UBR1: variants seen among roughly 807,000 people sequenced by gnomAD.
The protein encoded by UBR1 is ubiquitin protein ligase E3 component n-recognin 1, also known as E3 ubiquitin-protein ligase UBR1.
UBR1 carries 102 observed loss-of-function variants against 242.1 expected under a neutral mutation model. The observed-to-expected ratio is 0.42, with a 90% CI of 0.36 to 0.50. The LOEUF is 0.50. Among genes scored for constraint, UBR1 ranks in the 20% least tolerant of loss-of-function variants. The probability of loss-of-function intolerance (pLI) is 0.01; values close to 1 mark genes in which losing one functional copy is unlikely to be tolerated. For missense variants in UBR1, 1,772 were observed against 2,101.8 expected, an observed-to-expected ratio of 0.84 and a Z score of 3.07; for synonymous variants, 675 against 684.8, an observed-to-expected ratio of 0.99 and a Z score of 0.22.
At chr15:43,101,371 A>G (rs557082316) in intron 1 of UBR1, among the ~76,000 whole-genome samples, 2 of 152,348 alleles carry the variant, frequency 1.3e-5, no homozygotes, top group South Asian at 4.1e-4. Flanking sequence ...AAGTCACTGC[A>G]GTAGCCAAGA....
In UBR1 at chr15:42,990,088, C is replaced by T. The variant is rs1379118920; in HGVS notation, c.3790G>A (p.Gly1264Arg). 4 of 1,605,434 alleles carry T rather than the reference C, an allele frequency of 2.5e-6. No homozygotes were observed. The highest frequency in any genetic ancestry group is 3.3e-4 in the Middle Eastern group (2 of 6,008). The change falls in exon 34 of 47, where the codon GGA (glycine) becomes AGA (arginine). Residue 1264 changes from glycine to arginine, a missense_variant. Around this residue, in one of 3 missense-constraint regions of UBR1, gnomAD observed 965 missense variants for 1,079.7 expected, o/e 0.89. Transcript: ENST00000290650. ...AACTCCAAAGTAGAATCTCCCATTC[C>T]TTGATTAAAGAAAATAGGAATTGGG... The part of the protein sequence containing the change: ...ENPIPIFFNQ[G>R]MGDSTLEFHS...
chr15:43,100,327 C>T (rs555303543), intron 1 of UBR1, among the ~76,000 whole-genome samples: 1 of 152,266 alleles, frequency 6.6e-6, no homozygotes, highest in Non-Finnish European at 1.5e-5. Flanking sequence ...CCAATTCCCT[C>T]CAGATTTCCT....
intron 10 of UBR1, among the ~76,000 whole-genome samples, chr15:43,056,747 T>G (rs948069120): frequency 3.9e-5 from 6 of 151,936 alleles, no homozygotes; most frequent in African/African-American, 1.5e-4. Flanking sequence ...AATGGTATAG[T>G]TTATCCTTTC....
intron 3 of UBR1, among the ~76,000 whole-genome samples, chr15:43,076,147 G>A (rs1365395051): frequency 1.5e-5 from 2 of 130,190 alleles, no homozygotes; most frequent in South Asian, 2.4e-4. Context: ...ACTGGTTTTC[G>A]TTTTTTTTTT....
At chr15:42,968,324 A>T (rs992809570) in intron 40 of UBR1, among the ~76,000 whole-genome samples, 1 of 151,764 alleles carries the variant, frequency 6.6e-6, no homozygotes, top group African/African-American at 2.4e-5. Flanking sequence ...ATCAAAATAA[A>T]TTTTCTTCAC....
At chr15:42,981,317 C>T (rs554929620) in intron 37 of UBR1, among the ~76,000 whole-genome samples, 1 of 152,298 alleles carries the variant, frequency 6.6e-6, no homozygotes, top group Admixed American at 6.5e-5. Context: ...GAACACATCA[C>T]GCACTTTCCT....
At chr15:43,086,915 G>A (rs1339712950) in intron 1 of UBR1, among the ~76,000 whole-genome samples, 3 of 152,194 alleles carry the variant, frequency 2.0e-5, no homozygotes, top group Non-Finnish European at 4.4e-5. Context: ...GCTGAAGTGG[G>A]AGGACTGCTT....
At chr15:43,005,243 G>C (rs1013341379) in intron 30 of UBR1, among the ~76,000 whole-genome samples, 8 of 151,544 alleles carry the variant, frequency 5.3e-5, no homozygotes, top group Admixed American at 1.3e-4. Context: ...TCCAGGAGGT[G>C]GGGGGGCAGC....
intron 35 of UBR1, among the ~76,000 whole-genome samples, chr15:42,987,456 C>T (rs1286199801): frequency 6.6e-6 from 1 of 152,178 alleles, no homozygotes; most frequent in Admixed American, 6.5e-5. Context: ...TGGCTCACGC[C>T]TGTAATCCCA....
intron 43 of UBR1, among the ~76,000 whole-genome samples, chr15:42,959,290 C>T (rs1448014996): frequency 6.6e-6 from 1 of 152,016 alleles, no homozygotes; most frequent in Non-Finnish European, 1.5e-5. Context: ...CTCCTAGGCT[C>T]AAGCAATACT....
At chr15:43,013,370 C>A (rs1454379461) in intron 29 of UBR1, among the ~76,000 whole-genome samples, 2 of 152,170 alleles carry the variant, frequency 1.3e-5, no homozygotes, top group East Asian at 1.9e-4. Flanking sequence ...AGAAAATTAA[C>A]CAATTTCTCT....
At chr15:43,017,763 T>C (rs2033049365) in intron 27 of UBR1, among the ~76,000 whole-genome samples, 1 of 151,314 alleles carries the variant, frequency 6.6e-6, no homozygotes, top group South Asian at 2.1e-4. Context: ...TGAGCTGAGA[T>C]TGTGCCACTG....
At chr15:43,068,184 ATTTTTTT>A (rs545130203) in intron 5 of UBR1, 148 bp from the exon 6 acceptor site, 56 of 254,972 alleles carry the variant, frequency 2.2e-4, no homozygotes, top group African/African-American at 6.2e-4. Context: ...ATAGAATTTG[ATTTTTTT>A]TTTTTTTTTT....
intron 33 of UBR1, among the ~76,000 whole-genome samples, chr15:42,997,020 T>C (rs1300647910): frequency 1.3e-5 from 2 of 152,192 alleles, no homozygotes; most frequent in Admixed American, 6.5e-5. Flanking sequence ...CTATGGCCTG[T>C]TGGGAACCTT....
chr15:43,003,934 G>A lies in UBR1; in HGVS notation c.3416-4C>T. 1 of 1,613,506 alleles carries A rather than the reference G, an allele frequency of 6.2e-7. No homozygotes were observed. The highest frequency in any genetic ancestry group is 8.5e-7 in the Non-Finnish European group (1 of 1,179,520). ...ATGAAAAGTGGGTCTAGGGCTTCTG[G>A]TACAAGGTATAAAAAGGAGGGAAAA... On this transcript the variant is annotated splice_polypyrimidine_tract_variant and splice_region_variant and intron_variant, in intron 30 of 46. Transcript: ENST00000290650.
chr15:42,951,208 A>G (rs998904929), intron 45 of UBR1, among the ~76,000 whole-genome samples: 3 of 152,166 alleles, frequency 2.0e-5, no homozygotes, highest in African/African-American at 7.2e-5. Flanking sequence ...CTCTTTTTTC[A>G]TAAATATAAG....
intron 39 of UBR1, among the ~76,000 whole-genome samples, chr15:42,972,884 T>C (rs1337266902): frequency 6.6e-6 from 1 of 152,218 alleles, no homozygotes; most frequent in African/African-American, 2.4e-5. Context: ...TGCTGGATCA[T>C]ATGGTAAGAG....
intron 26 of UBR1, among the ~76,000 whole-genome samples, chr15:43,022,079 A>G (rs923304903): frequency 6.6e-6 from 1 of 152,122 alleles, no homozygotes; most frequent in Non-Finnish European, 1.5e-5. Context: ...GAAGTGGAGG[A>G]CTGTATATCC....
In UBR1 at chr15:43,015,768, G is replaced by A. The variant is rs768086129; in HGVS notation, c.3129C>T (p.Asn1043=). ...ACATGAGTTTATGAGTTTCAATGAA[G>A]TTTTTCTGTAAGGCAGACATCTGAG... ...IMAQMSALQK[N]FIETHKLMYD... The change falls in exon 29 of 47, where the codon AAC becomes AAT. Residue 1043 remains asparagine (N), a synonymous_variant. Coordinates refer to ENST00000290650, the MANE Select transcript of UBR1 (RefSeq NM_174916.3). The A allele has an allele frequency of 6.2e-7, 1 of 1,614,130 alleles. No homozygotes were observed. The highest frequency in any genetic ancestry group is 1.7e-5 in the Admixed American group (1 of 60,020).
Sources: allele counts gnomAD v4.1 joint callset (sites outside exome capture counted in the v4.1 genomes callset), GRCh38; gene constraint gnomAD v4.1.1; regional missense constraint gnomAD v4.1.1; transcripts MANE v1.5; gene names NCBI Gene and HGNC (gene_info 2026-07-23, HGNC 2026-07-21).